CDH1: variants seen among roughly 807,000 people sequenced by gnomAD.
The protein encoded by CDH1 is cadherin 1.
CDH1 carries 35 observed loss-of-function variants against 84.5 expected under a neutral mutation model. The observed-to-expected ratio is 0.41, with a 90% CI of 0.32 to 0.55. The LOEUF is 0.55. CDH1 is among the 20% of genes least tolerant of loss of function. CDH1 has a pLI of 0.19. For missense variants in CDH1, 994 were observed against 1,126.6 expected, an observed-to-expected ratio of 0.88 and a Z score of 1.68; for synonymous variants, 417 against 439.0, an observed-to-expected ratio of 0.95 and a Z score of 0.63.
chr16:68,748,504 G>A (rs183547498), intron 2 of CDH1, among the ~76,000 whole-genome samples: 7 of 152,330 alleles, frequency 4.6e-5, no homozygotes, highest in Admixed American at 3.9e-4. Flanking sequence ...TATGCGGTAT[G>A]GATGCACCAT....
In CDH1 at chr16:68,746,221, T is replaced by G. The variant is rs544996084; in HGVS notation, c.163+7810T>G. 2.0e-5 allele frequency among the ~76,000 whole-genome samples: 3 copies of G among 152,176 alleles called. No individual in the cohort carries two copies. The East Asian group carries it at 5.9e-4, about 30-fold the overall frequency. On this transcript the variant is annotated intron_variant, in intron 2 of 15. Transcript: ENST00000261769. ...CGGGCAGATCATGAGGTCAGGAGTT[T>G]GAGACTAGCTTGACCAACGTGGTGA...
chr16:68,778,580 G>C (rs1959794512), intron 2 of CDH1, among the ~76,000 whole-genome samples: 1 of 152,050 alleles, frequency 6.6e-6, no homozygotes, highest in African/African-American at 2.4e-5. Context: ...AATGCTTCTG[G>C]GAAACCACAG....
intron 2 of CDH1, among the ~76,000 whole-genome samples, chr16:68,796,954 G>A (rs1048219964): frequency 3.3e-5 from 5 of 151,934 alleles, no homozygotes; most frequent in East Asian, 1.9e-4. Flanking sequence ...CCTGGGCAAC[G>A]TGGCAAAACC....
chr16:68,823,235 A>G, intron 12 of CDH1, 164 bp from the exon 13 acceptor site: 1 of 613,214 alleles, frequency 1.6e-6, no homozygotes, highest in Non-Finnish European at 2.8e-6. Flanking sequence ...AGCTTTTTAC[A>G]GCAAAAAAAA....
chr16:68,818,084 C>CA (rs2152136037), intron 10 of CDH1, among the ~76,000 whole-genome samples: 1 of 151,342 alleles, frequency 6.6e-6, no homozygotes, highest in South Asian at 2.1e-4. Context: ...ACTAAAAATA[C>CA]AAAAAATTAG....
At chr16:68,819,148 G>A (rs941360342) in intron 10 of CDH1, 132 bp from the exon 11 acceptor site, 5 of 1,002,842 alleles carry the variant, frequency 5.0e-6, no homozygotes, top group African/African-American at 3.2e-5. Context: ...GAGCCACCGC[G>A]ACCGGCCTAT....
At chr16:68,776,348 T>G (rs1331231920) in intron 2 of CDH1, among the ~76,000 whole-genome samples, 3 of 152,216 alleles carry the variant, frequency 2.0e-5, no homozygotes, top group Non-Finnish European at 4.4e-5. Context: ...CTTTTACTAT[T>G]TTTAATAATG....
intron 3 of CDH1, among the ~76,000 whole-genome samples, chr16:68,803,052 C>T (rs554600257): frequency 1.1e-4 from 16 of 152,230 alleles, no homozygotes; most frequent in Admixed American, 2.6e-4. Flanking sequence ...CTCAAGTGCT[C>T]CCGTGGTGCT....
intron 2 of CDH1, among the ~76,000 whole-genome samples, chr16:68,793,254 A>G (rs1960259911): frequency 6.6e-6 from 1 of 152,126 alleles, no homozygotes; most frequent in Admixed American, 6.5e-5. Context: ...ATACAGCGAG[A>G]CCTTTTTGAA....
intron 2 of CDH1, among the ~76,000 whole-genome samples, chr16:68,794,641 T>C (rs2152124259): frequency 6.6e-6 from 1 of 151,448 alleles, no homozygotes; most frequent in South Asian, 2.1e-4. Context: ...TGCCTCAGCC[T>C]CTCTAATATC....
At chr16:68,741,295 G>A (rs1170238799) in intron 2 of CDH1, among the ~76,000 whole-genome samples, 2 of 152,090 alleles carry the variant, frequency 1.3e-5, no homozygotes, top group Non-Finnish European at 2.9e-5. Flanking sequence ...GGATGGAAGT[G>A]CCCTTCTGGT....
At chr16:68,742,660 A>G (rs1962600248) in intron 2 of CDH1, 1 of 151,914 alleles carries the variant, frequency 6.6e-6, no homozygotes, top group Non-Finnish European at 1.5e-5. Context: ...GCCTCAGGTG[A>G]TCCGCCCACC....
intron 2 of CDH1, among the ~76,000 whole-genome samples, chr16:68,745,705 T>C (rs914304027): frequency 3.3e-5 from 5 of 151,338 alleles, no homozygotes; most frequent in African/African-American, 1.2e-4. Flanking sequence ...TCCCAGCCCC[T>C]GAGATCCTTG....
intron 8 of CDH1, 45 bp downstream of exon 8, chr16:68,812,308 G>A (rs1447948622): frequency 6.2e-7 from 1 of 1,606,740 alleles, no homozygotes. Flanking sequence ...AAGGTCTTTT[G>A]TTGTTCATGA....
At chr16:68,820,760 C>T (rs1464481480) in intron 11 of CDH1, among the ~76,000 whole-genome samples, 21 of 152,014 alleles carry the variant, frequency 1.4e-4, no homozygotes. Flanking sequence ...TTCCAGACTG[C>T]TTCTGTGTAT....
At chr16:68,737,612 G>A in intron 1 of CDH1, 149 bp downstream of exon 1, 2 of 750,928 alleles carry the variant, frequency 2.7e-6, no homozygotes, top group Non-Finnish European at 2.2e-6. Context: ...GAAGCCTCGC[G>A]CGCTCCGGAC....
In CDH1 at chr16:68,831,905, A is replaced by T. The variant is rs962996138; in HGVS notation, c.2440-1385A>T. ...CATTCATACTCATTTGCAAGTCATCACTTGTATTTGCAGTTTTTATTTAAA... is the reference window on the plus strand; with the variant it reads ...CATTCATACTCATTTGCAAGTCATCTCTTGTATTTGCAGTTTTTATTTAAA... On this transcript the variant is annotated intron_variant, in intron 15 of 15. Coordinates refer to ENST00000261769, the MANE Select transcript of CDH1 (RefSeq NM_004360.5). Among the ~76,000 whole-genome samples the T allele has an allele frequency of 3.3e-5, 5 of 152,258 alleles. No homozygotes were observed. In the East Asian group the frequency reaches 5.8e-4, roughly 18 times the overall value.
chr16:68,754,991 T>C (rs1208023630), intron 2 of CDH1, among the ~76,000 whole-genome samples: 1 of 152,084 alleles, frequency 6.6e-6, no homozygotes, highest in East Asian at 1.9e-4. Flanking sequence ...TCAATAGATG[T>C]TAGAACTGGA....
rs1315275266 is a variant in CDH1, at chr16:68,835,258, G to A, written c.*1759G>A. ...TGAATTTCAACTTTTGACAATCAAA[G>A]AAAAGACTTTTGTTGAAATAGCTTT... On this transcript the variant is annotated 3_prime_UTR_variant, in exon 16 of 16. Coordinates refer to ENST00000261769, the MANE Select transcript of CDH1 (RefSeq NM_004360.5). 12 of 229,142 alleles carry A rather than the reference G, an allele frequency of 5.2e-5. No homozygotes were observed. Among genetic ancestry groups the A allele is most frequent in the Non-Finnish European group, 1.0e-4 (12 of 115,604 alleles). 14.2% of individuals were successfully genotyped at this position (229,142 alleles called of 1,614,324 possible). A position where few individuals can be genotyped will look rare whatever the true frequency, so the allele number is the denominator to read the frequency against.
Sources: gnomAD v4.1 joint callset for allele counts (sites outside exome capture counted in the v4.1 genomes callset) on GRCh38, gnomAD v4.1.1 for gene constraint, MANE v1.5 for transcripts, NCBI Gene and HGNC (gene_info 2026-07-23, HGNC 2026-07-21) for gene names.